The following PAPOLG variants were observed in gnomAD, a reference collection of about 807,000 sequenced individuals.
The protein encoded by PAPOLG is poly(A) polymerase gamma, also known as PAP-gamma.
Under a neutral mutation model 99.0 loss-of-function variants are expected in PAPOLG, and 40 were observed. The ratio of observed to expected loss-of-function variants is 0.40; its 90% confidence interval spans 0.31 to 0.53. PAPOLG has a LOEUF of 0.53. Among genes scored for constraint, PAPOLG ranks in the 20% least tolerant of loss-of-function variants. PAPOLG has a pLI of 0.41. For synonymous variants in PAPOLG, 310 were observed against 299.3 expected (o/e 1.04, Z -0.37); for missense variants, 675 against 884.1 (o/e 0.76, Z 3.00).
At chr2:60,776,668 T>TC (rs1671030665) in intron 8 of PAPOLG, among the ~76,000 whole-genome samples, 1 of 152,132 alleles carries the variant, frequency 6.6e-6, no homozygotes, top group African/African-American at 2.4e-5. Flanking sequence ...CCTCAGGTGA[T>TC]CTGCCTGCCT....
intron 3 of PAPOLG, among the ~76,000 whole-genome samples, chr2:60,764,915 A>T (rs1027991746): frequency 2.0e-5 from 3 of 152,172 alleles, no homozygotes; most frequent in African/African-American, 7.2e-5. Context: ...TTCTGAACTC[A>T]CCAGGGTTAT....
At chr2:60,792,669 C>T (rs1380371042) in intron 17 of PAPOLG, among the ~76,000 whole-genome samples, 1 of 151,242 alleles carries the variant, frequency 6.6e-6, no homozygotes, top group Admixed American at 6.6e-5. Context: ...TCACGGCAGG[C>T]GAACTGCTGG....
chr2:60,767,861 ACAGG>A (rs1451009799), intron 3 of PAPOLG, among the ~76,000 whole-genome samples: 1 of 152,234 alleles, frequency 6.6e-6, no homozygotes, highest in Non-Finnish European at 1.5e-5. Flanking sequence ...GAAGCGAAAG[ACAGG>A]CAGTTGGAGG....
chr2:60,774,937 C>T, intron 7 of PAPOLG, 97 bp from the exon 8 acceptor site: 2 of 1,533,638 alleles, frequency 1.3e-6, no homozygotes, highest in Non-Finnish European at 1.7e-6. Context: ...TATTATCTTT[C>T]ATATTTTTAG....
chr2:60,801,819 A>G lies in PAPOLG; in HGVS notation c.*4659A>G, dbSNP rs926845955. ...ACATAAGATGATCATCAAGCTTGCT[A>G]TAAGTTTTAAGCTATTGCTACATTT... is the stretch of plus-strand genomic sequence containing the variant. On this transcript the variant is annotated 3_prime_UTR_variant, in exon 22 of 22. Transcript: ENST00000238714. 6.6e-6 allele frequency: 1 copy of G among 152,372 alleles called. No homozygotes were observed. Among genetic ancestry groups the G allele is most frequent in the Admixed American group, 6.5e-5 (1 of 15,284 alleles). 9.4% of individuals were successfully genotyped at this position (152,372 alleles called of 1,614,324 possible).
Position 60,787,042 on chromosome 2 carries a change from C to A in PAPOLG, c.1262C>A (p.Pro421Gln). 1 of 1,610,628 alleles carries A rather than the reference C, an allele frequency of 6.2e-7. No homozygotes were observed. Among genetic ancestry groups the A allele is most frequent in the Non-Finnish European group, 8.5e-7 (1 of 1,177,692 alleles). The change falls in exon 14 of 22, where the codon CCA (proline) becomes CAA (glutamine). Residue 421 changes from proline to glutamine, a missense_variant. Around this residue, in one of 3 missense-constraint regions of PAPOLG, gnomAD observed 413 missense variants for 460.5 expected, o/e 0.90. Coordinates refer to ENST00000238714, the MANE Select transcript of PAPOLG (RefSeq NM_022894.4). ...GCCCATGTGAATCCCCAGTCATTCCCAGGGAATAAGGAACATCATAAAGAG... is the reference window on the plus strand; with the variant it reads ...GCCCATGTGAATCCCCAGTCATTCCAAGGGAATAAGGAACATCATAAAGAG... ...TLAHVNPQSFPGNKEHHKDNN... is the reference protein window; with the variant it reads ...TLAHVNPQSFQGNKEHHKDNN...
rs541728099 is a variant in PAPOLG at position 60,784,195 on chromosome 2, A to G, written c.1166+986A>G. On this transcript the variant is annotated intron_variant, in intron 13 of 21. Coordinates refer to ENST00000238714, the MANE Select transcript of PAPOLG (RefSeq NM_022894.4). ...ACCATCTTGGCCAGGCTGGTCTTGA[A>G]CTCCTCACCTCGTGATCCACCCGCC... Among the ~76,000 whole-genome samples, 8 of 151,234 alleles carry G rather than the reference A, an allele frequency of 5.3e-5. No individual in the cohort carries two copies. The East Asian group carries it at 1.2e-3, about 22-fold the overall frequency.
chr2:60,798,015 C>G lies in PAPOLG; in HGVS notation c.*855C>G, dbSNP rs868070996. On this transcript the variant is annotated 3_prime_UTR_variant, in exon 22 of 22. Transcript: ENST00000238714. ...ACTGGTATTTTTTACTGAGGAGCAA[C>G]TCATTCCAGCATCAACAATAAGATA... 1 of 152,878 alleles carries G rather than the reference C, an allele frequency of 6.5e-6. No homozygotes were observed. Among genetic ancestry groups the G allele is most frequent in the Middle Eastern group, 3.4e-3 (1 of 294 alleles). The allele number at this position is 152,878 out of a possible 1,614,324, so 9.5% of individuals were successfully genotyped here.
In PAPOLG at chr2:60,793,707, T is replaced by C. The variant is rs1254116076; in HGVS notation, c.1760T>C (p.Ile587Thr). The change falls in exon 18 of 22, where the codon ATT becomes ACT. Residue 587 changes from isoleucine to threonine, a missense_variant. Ile to Thr is a moderately conservative substitution (Grantham distance 89, BLOSUM62 -1). Around this residue, in one of 3 missense-constraint regions of PAPOLG, gnomAD observed 413 missense variants for 460.5 expected, o/e 0.90. Coordinates refer to ENST00000238714, the MANE Select transcript of PAPOLG (RefSeq NM_022894.4). The stretch of plus-strand genomic sequence containing the variant: ...GCCCAAGGACTTTCCATTCCAGTGA[T>C]TGGCGCAAGTAGGTATCTAAACTTG... ...PPAQGLSIPV[I>T]GAKVDSTVKT... 1.9e-6 allele frequency: 3 copies of C among 1,613,058 alleles called. No individual in the cohort carries two copies. The highest frequency in any genetic ancestry group is 2.5e-6 in the Non-Finnish European group (3 of 1,179,362).
In PAPOLG at chr2:60,798,343, C is replaced by G. The variant is rs1477278583; in HGVS notation, c.*1183C>G. 3 of 152,590 alleles carry G rather than the reference C, an allele frequency of 2.0e-5. No individual in the cohort carries two copies. The highest frequency in any genetic ancestry group is 4.4e-5 in the Non-Finnish European group (3 of 68,010). 9.5% of individuals were successfully genotyped at this position (152,590 alleles called of 1,614,324 possible). A position where few individuals can be genotyped will look rare whatever the true frequency, so the allele number is the denominator to read the frequency against. On this transcript the variant is annotated 3_prime_UTR_variant, in exon 22 of 22. Transcript: ENST00000238714. The stretch of plus-strand genomic sequence containing the variant: ...GAATGCATGCTCAGTTTATTAAAAT[C>G]CATAACCATGTAATTCTTGTAATAT...
intron 17 of PAPOLG, among the ~76,000 whole-genome samples, chr2:60,792,649 C>T (rs1235056115): frequency 6.6e-6 from 1 of 152,196 alleles, no homozygotes; most frequent in Non-Finnish European, 1.5e-5. Flanking sequence ...AATCCTAGCA[C>T]TTTGAGAGGT....
chr2:60,796,685 AC>A (rs1460688908), intron 21 of PAPOLG, among the ~76,000 whole-genome samples: 3 of 150,912 alleles, frequency 2.0e-5, no homozygotes, highest in Non-Finnish European at 2.9e-5. Flanking sequence ...TTCACTTCAC[AC>A]CCCAAGAGCT....
intron 1 of PAPOLG, 40 bp downstream of exon 1, chr2:60,756,535 G>A (rs764401924): frequency 3.2e-6 from 5 of 1,573,176 alleles, no homozygotes. Flanking sequence ...AGGCGGGTAG[G>A]GGTGAGCTGA....
At chr2:60,772,554 G>C (rs1322553622) in intron 7 of PAPOLG, among the ~76,000 whole-genome samples, 4 of 151,826 alleles carry the variant, frequency 2.6e-5, no homozygotes, top group Non-Finnish European at 5.9e-5. Flanking sequence ...TTTGAGACCA[G>C]CCTGGACAAC....
chr2:60,791,850 C>T lies in PAPOLG; in HGVS notation c.1486C>T (p.Leu496Phe), dbSNP rs1259710312. The change falls in exon 16 of 22, where the codon CTT (leucine) becomes TTT (phenylalanine). Residue 496 changes from leucine to phenylalanine, a missense_variant. Transcript: ENST00000238714. ...HVKKKQLHHY[L>F]PAEILQKKKK... is the part of the protein sequence containing the mutation. ...AAAGAAAAAACAACTTCACCACTAC[C>T]TTCCTGCAGAAATTCTTCAAAAGAA... 1 of 1,613,214 alleles carries T rather than the reference C, an allele frequency of 6.2e-7. No individual in the cohort carries two copies. Among genetic ancestry groups the T allele is most frequent in the South Asian group, 1.1e-5 (1 of 91,000 alleles).
rs989319259 is a variant in PAPOLG at position 60,786,850 on chromosome 2, G to A, written c.1167-97G>A. 4 of 1,438,394 alleles carry A rather than the reference G, an allele frequency of 2.8e-6. No homozygotes were observed. The Admixed American group carries it at 9.1e-5, about 33-fold the overall frequency. 89.1% of individuals were successfully genotyped at this position (1,438,394 alleles called of 1,614,324 possible). ...CAGCCCGAAGTTTTTTAATGAACATGTAAAGCTTCGTAGTTAATATGCTGT... is the reference window on the plus strand; with the variant it reads ...CAGCCCGAAGTTTTTTAATGAACATATAAAGCTTCGTAGTTAATATGCTGT... On this transcript the variant is annotated intron_variant, in intron 13 of 21. Coordinates refer to ENST00000238714, the MANE Select transcript of PAPOLG (RefSeq NM_022894.4).
chr2:60,790,323 T>C (rs937367575), intron 15 of PAPOLG, among the ~76,000 whole-genome samples: 5 of 152,180 alleles, frequency 3.3e-5, no homozygotes, highest in Admixed American at 1.3e-4. Context: ...TATAAGATAT[T>C]ATTTTTCAGA....
intron 15 of PAPOLG, among the ~76,000 whole-genome samples, chr2:60,790,743 C>T (rs568678136): frequency 6.6e-6 from 1 of 152,244 alleles, no homozygotes; most frequent in Admixed American, 6.5e-5. Flanking sequence ...GTAGTAAATT[C>T]TCATGGAGGA....
chr2:60,766,735 A>G (rs1243661427), intron 3 of PAPOLG, among the ~76,000 whole-genome samples: 2 of 151,962 alleles, frequency 1.3e-5, no homozygotes, highest in Non-Finnish European at 2.9e-5. Context: ...ATGGGCAAGC[A>G]CTTGAGGCAG....
Sources: gnomAD v4.1 joint callset for allele counts (sites outside exome capture counted in the v4.1 genomes callset) on GRCh38, gnomAD v4.1.1 for gene constraint, gnomAD v4.1.1 regional missense constraint, MANE v1.5 for transcripts, NCBI Gene and HGNC (gene_info 2026-07-23, HGNC 2026-07-21) for gene names.